The following NUP205 variants were observed in gnomAD, a reference collection of about 807,000 sequenced individuals.
NUP205 encodes the protein nucleoporin 205.
In NUP205, 76 loss-of-function variants were observed where a neutral mutation model predicts 253.8. That is an observed-to-expected ratio of 0.30 (90% CI 0.25 to 0.36). The LOEUF is 0.36. Ranked by LOEUF, NUP205 falls within the 10% of genes least tolerant of loss-of-function variation. NUP205 has a pLI of 1.00. For missense variants in NUP205, 2,162 were observed against 2,425.5 expected, an observed-to-expected ratio of 0.89 and a Z score of 2.28; for synonymous variants, 832 against 850.1, an observed-to-expected ratio of 0.98 and a Z score of 0.37.
At chr7:135,583,844 CTTTTT>C (rs756603941) in intron 7 of NUP205, among the ~76,000 whole-genome samples, 1 of 138,958 alleles carries the variant, frequency 7.2e-6, no homozygotes, top group African/African-American at 2.6e-5. Flanking sequence ...TTCTTTCTTT[CTTTTT>C]TTTTTTTTTT....
chr7:135,614,420 T>A, intron 23 of NUP205, 147 bp downstream of exon 23: 1 of 563,608 alleles, frequency 1.8e-6, no homozygotes, highest in South Asian at 2.2e-5. Context: ...AATTTCTGCT[T>A]AAAGAAGGCT....
chr7:135,570,029 T>A (rs1001698831), intron 1 of NUP205, among the ~76,000 whole-genome samples: 1 of 98,576 alleles, frequency 1.0e-5, no homozygotes, highest in Non-Finnish European at 1.9e-5. Context: ...TGTTTATGTT[T>A]TATATATATA....
In NUP205 at chr7:135,606,783, C is replaced by A. The variant is rs112867264; in HGVS notation, c.2938C>A (p.Arg980Ser). The change falls in exon 21 of 43, where the codon CGT (arginine) becomes AGT (serine). Residue 980 changes from arginine to serine, a missense_variant. Arg to Ser is a moderately radical substitution (Grantham distance 110, BLOSUM62 -1). Coordinates refer to ENST00000285968, the MANE Select transcript of NUP205 (RefSeq NM_015135.3). ...SELEKKLVAI[R>S]HETRIHILNL... ...ACTTGAAAAGAAATTAGTTGCAATT[C>A]GTCATGAAACAAGAATCCACATCTT... The A allele has an allele frequency of 5.6e-6, 9 of 1,613,588 alleles. No homozygotes were observed. In the East Asian group the frequency reaches 1.8e-4, roughly 32 times the overall value.
chr7:135,564,810 C>T (rs879498989), intron 1 of NUP205, among the ~76,000 whole-genome samples: 35 of 151,850 alleles, frequency 2.3e-4, no homozygotes, highest in Admixed American at 5.9e-4. Context: ...CTCTGTCTTC[C>T]AGACTGGAGT....
At chr7:135,619,314 C>A in intron 28 of NUP205, 109 bp from the exon 29 acceptor site, 1 of 1,184,090 alleles carries the variant, frequency 8.4e-7, no homozygotes, top group Non-Finnish European at 1.2e-6. Context: ...TGCACTCCAG[C>A]CTCGGTGACA....
At chr7:135,625,869 A>G (rs192105561) in intron 32 of NUP205, among the ~76,000 whole-genome samples, 3 of 152,066 alleles carry the variant, frequency 2.0e-5, no homozygotes, top group Non-Finnish European at 2.9e-5. Context: ...TTCCTCCTTC[A>G]TTTATTTAAC....
intron 1 of NUP205, among the ~76,000 whole-genome samples, chr7:135,563,345 G>A (rs141467594): frequency 7.7e-4 from 117 of 152,008 alleles, no homozygotes; most frequent in African/African-American, 2.7e-3. Flanking sequence ...ATGCCATCAC[G>A]CCTGGCTAAT....
At chr7:135,568,976 A>T (rs555741214) in intron 1 of NUP205, among the ~76,000 whole-genome samples, 10 of 152,326 alleles carry the variant, frequency 6.6e-5, no homozygotes, top group Non-Finnish European at 1.2e-4. Flanking sequence ...TATTTCACTT[A>T]TGTACATTTT....
At chr7:135,576,832 T>A in intron 4 of NUP205, 137 bp from the exon 5 acceptor site, 1 of 743,368 alleles carries the variant, frequency 1.3e-6, no homozygotes, top group Non-Finnish European at 2.1e-6. Context: ...CAGTGAGCCA[T>A]GATCACGCCA....
chr7:135,600,795 G>C, intron 15 of NUP205, 75 bp from the exon 16 acceptor site: 2 of 724,780 alleles, frequency 2.8e-6, no homozygotes, highest in Non-Finnish European at 4.6e-6. Context: ...AAAGAAGTGG[G>C]AAGAGTGAAA....
intron 1 of NUP205, among the ~76,000 whole-genome samples, chr7:135,563,638 A>G (rs1410278933): frequency 6.6e-6 from 1 of 152,142 alleles, no homozygotes; most frequent in African/African-American, 2.4e-5. Context: ...TTCTCAACTG[A>G]CTAAACTACA....
At chr7:135,581,951 A>G (rs1806317493) in intron 7 of NUP205, among the ~76,000 whole-genome samples, 1 of 152,186 alleles carries the variant, frequency 6.6e-6, no homozygotes. Context: ...AACTCAATTT[A>G]TATTAAGACA....
chr7:135,612,179 C>T (rs1238030606), intron 22 of NUP205, among the ~76,000 whole-genome samples: 4 of 152,080 alleles, frequency 2.6e-5, no homozygotes, highest in Non-Finnish European at 5.9e-5. Context: ...ATAGTCAGTT[C>T]TCGTTATTCA....
At chr7:135,571,771 T>C (rs1409968891) in intron 2 of NUP205, among the ~76,000 whole-genome samples, 1 of 151,638 alleles carries the variant, frequency 6.6e-6, no homozygotes, top group African/African-American at 2.4e-5. Context: ...GCTATCACCC[T>C]GTCGTGCTAT....
intron 1 of NUP205, among the ~76,000 whole-genome samples, chr7:135,570,757 T>TATATTATATTAATATATTAATTATATTA (rs1563110064): frequency 6.3e-5 from 4 of 63,574 alleles, no homozygotes; most frequent in Non-Finnish European, 1.2e-4. Flanking sequence ...TAATTATATT[T>TATATTATATTAATATATTAATTATATTA]ATATATTATA....
At chr7:135,563,862 G>T (rs555179106) in intron 1 of NUP205, among the ~76,000 whole-genome samples, 3 of 152,028 alleles carry the variant, frequency 2.0e-5, no homozygotes, top group African/African-American at 7.2e-5. Context: ...GTGCGCGTGC[G>T]CCTGTAATCC....
In NUP205 at chr7:135,594,663, A is replaced by G; in HGVS notation, c.1947A>G (p.Thr649=). Reference sequence around the variant, plus strand: ...TCCTAAAAGCTGAGCTACTGAAGACACTCGCAGCTTTTGGAAAATCTCCTG... The same window carrying G: ...TCCTAAAAGCTGAGCTACTGAAGACGCTCGCAGCTTTTGGAAAATCTCCTG... ...PPVLKAELLK[T]LAAFGKSPEI... is the part of the protein sequence containing the mutation. Residue 649 remains threonine (T), a synonymous_variant, in exon 13 of 43, where the codon ACA becomes ACG. Transcript: ENST00000285968. The G allele has an allele frequency of 1.9e-6, 3 of 1,613,710 alleles. No homozygotes were observed. The highest frequency in any genetic ancestry group is 2.5e-6 in the Non-Finnish European group (3 of 1,179,836).
At position 135,648,646 on chromosome 7, in the gene NUP205, A is replaced by C; in HGVS notation, c.*90A>C. ...TTAGTTTCTTTCTAAATTATGACCA[A>C]AAATATTTTGCTATTTCTTTCTTTG... On this transcript the variant is annotated 3_prime_UTR_variant, in exon 43 of 43. Transcript: ENST00000285968. 9.1e-7 allele frequency: 1 copy of C among 1,094,880 alleles called. No homozygotes were observed. Among genetic ancestry groups the C allele is most frequent in the South Asian group, 2.9e-5 (1 of 33,912 alleles). 67.8% of individuals were successfully genotyped at this position (1,094,880 alleles called of 1,614,324 possible).
chr7:135,588,011 C>T lies in NUP205; in HGVS notation c.1473+19C>T. On this transcript the variant is annotated intron_variant, in intron 10 of 42. Transcript: ENST00000285968. ...ACGCCAGGTGAGTCTTTAGGTTTTC[C>T]TCTTTTATACTCTGGTACTGTGATA... 1.3e-6 allele frequency: 2 copies of T among 1,595,192 alleles called. No individual in the cohort carries two copies.
Sources: gnomAD v4.1 joint callset for allele counts (sites outside exome capture counted in the v4.1 genomes callset) on GRCh38, gnomAD v4.1.1 for gene constraint, MANE v1.5 for transcripts, NCBI Gene and HGNC (gene_info 2026-07-23, HGNC 2026-07-21) for gene names.